The following RPH3A variants were observed in gnomAD, a reference collection of about 807,000 sequenced individuals.
The protein encoded by RPH3A is rabphilin 3A.
Under a neutral mutation model 102.2 loss-of-function variants are expected in RPH3A, and 48 were observed. That is an observed-to-expected ratio of 0.47 (90% confidence interval 0.37 to 0.60). RPH3A has a LOEUF of 0.60. RPH3A is among the 20% of genes least tolerant of loss of function. RPH3A has a pLI of 0.00. For missense variants in RPH3A, 781 were observed against 910.1 expected (o/e 0.86, Z 1.83); for synonymous variants, 310 against 324.3 (o/e 0.96, Z 0.47).
At chr12:112,877,419 TACACACACACACACAC>T (rs3038114) in intron 13 of RPH3A, among the ~76,000 whole-genome samples, 7 of 141,660 alleles carry the variant, frequency 4.9e-5, no homozygotes, top group South Asian at 2.3e-4. Flanking sequence ...CACACACGTA[TACACACACACACACAC>T]ACACACACAC....
intron 1 of RPH3A, among the ~76,000 whole-genome samples, chr12:112,662,789 G>A (rs1285598441): frequency 1.3e-5 from 2 of 151,406 alleles, no homozygotes; most frequent in African/African-American, 4.9e-5. Context: ...ACAGGTAGCA[G>A]GCCAGATTTG....
At chr12:112,709,942 A>G (rs1369393750) in intron 1 of RPH3A, among the ~76,000 whole-genome samples, 1 of 152,028 alleles carries the variant, frequency 6.6e-6, no homozygotes, top group Admixed American at 6.6e-5. Flanking sequence ...CTCCTTTTGT[A>G]GCTTCCCCAG....
At chr12:112,630,150 A>C (rs977095498) in intron 1 of RPH3A, among the ~76,000 whole-genome samples, 1 of 151,654 alleles carries the variant, frequency 6.6e-6, no homozygotes, top group African/African-American at 2.4e-5. Context: ...CCACCCACCC[A>C]CCCATCCATC....
Position 112,793,021 on chromosome 12 carries a change from G to A in RPH3A, c.-19+758G>A, listed in dbSNP as rs369400024. On this transcript the variant is annotated intron_variant, in intron 2 of 21. Transcript: ENST00000389385. ...TCTATCCTTGAGTTCATCTCAGAAG[G>A]AAGGAGGGGAACAAAGCTTGTTCAA... 3.3e-4 allele frequency among the ~76,000 whole-genome samples: 51 copies of A among 152,324 alleles called. No individual in the cohort carries two copies. In the East Asian group the frequency reaches 4.1e-3, roughly 12 times the overall value.
At chr12:112,696,016 A>G (rs1342242320) in intron 1 of RPH3A, among the ~76,000 whole-genome samples, 1 of 152,098 alleles carries the variant, frequency 6.6e-6, no homozygotes, top group Non-Finnish European at 1.5e-5. Flanking sequence ...TGAGTCCCCA[A>G]AATTCATGAT....
At chr12:112,801,567 G>A (rs114581568) in intron 2 of RPH3A, among the ~76,000 whole-genome samples, 1,691 of 152,278 alleles carry the variant, frequency 0.011, 24 homozygotes, top group African/African-American at 0.039. Context: ...TTGGTGACCC[G>A]GAGGGGGACT....
chr12:112,580,458 C>T (rs1312718700), intron 1 of RPH3A, among the ~76,000 whole-genome samples: 1 of 132,896 alleles, frequency 7.5e-6, no homozygotes, highest in Non-Finnish European at 1.5e-5. Flanking sequence ...GGCTGGAGTG[C>T]AGTGGCGCGA....
chr12:112,687,459 T>C (rs2040273845), intron 1 of RPH3A, among the ~76,000 whole-genome samples: 1 of 152,182 alleles, frequency 6.6e-6, no homozygotes, highest in African/African-American at 2.4e-5. Context: ...ATTGGCCAGA[T>C]CTGAATCACA....
intron 1 of RPH3A, among the ~76,000 whole-genome samples, chr12:112,687,111 C>G (rs534164211): frequency 3.3e-5 from 5 of 152,170 alleles, no homozygotes; most frequent in Admixed American, 3.3e-4. Context: ...GAGTGAGACC[C>G]CATTTTTTTT....
chr12:112,870,648 A>G (rs563987066), intron 10 of RPH3A, among the ~76,000 whole-genome samples: 3 of 152,282 alleles, frequency 2.0e-5, no homozygotes, highest in Non-Finnish European at 4.4e-5. Flanking sequence ...TTTCTTTTGC[A>G]GGAAGGGGCT....
intron 1 of RPH3A, among the ~76,000 whole-genome samples, chr12:112,639,783 T>C (rs529721483): frequency 6.6e-6 from 1 of 152,190 alleles, no homozygotes; most frequent in South Asian, 2.1e-4. Flanking sequence ...ACTGACACCT[T>C]TATCACAGGG....
intron 1 of RPH3A, among the ~76,000 whole-genome samples, chr12:112,739,408 C>T (rs1203725716): frequency 2.0e-5 from 3 of 152,134 alleles, no homozygotes; most frequent in African/African-American, 7.2e-5. Context: ...TAAAATCACA[C>T]GAGGAGCCGT....
At chr12:112,884,309 T>C (rs1257769772) in intron 16 of RPH3A, among the ~76,000 whole-genome samples, 1 of 152,216 alleles carries the variant, frequency 6.6e-6, no homozygotes, top group African/African-American at 2.4e-5. Context: ...CCGATGCAAG[T>C]TGAAGCTCCT....
At chr12:112,814,036 GGTGT>G (rs149412754) in intron 2 of RPH3A, among the ~76,000 whole-genome samples, 6 of 149,488 alleles carry the variant, frequency 4.0e-5, no homozygotes, top group Non-Finnish European at 6.0e-5. Flanking sequence ...GTGGGAGTGG[GGTGT>G]GTGTGTGTGT....
intron 1 of RPH3A, among the ~76,000 whole-genome samples, chr12:112,705,575 T>G (rs983618278): frequency 3.3e-5 from 5 of 152,192 alleles, no homozygotes; most frequent in Admixed American, 6.5e-5. Context: ...TGGAAAATTG[T>G]GTGGAAAAAA....
Position 112,896,915 on chromosome 12 carries a change from C to G in RPH3A, c.*135C>G, listed in dbSNP as rs1009226315. The G allele has an allele frequency of 2.9e-5, 27 of 940,556 alleles. No individual in the cohort carries two copies. Among genetic ancestry groups the G allele is most frequent in the Non-Finnish European group, 4.3e-5 (27 of 635,282 alleles). The allele number at this position is 940,556 out of a possible 1,614,324, so 58.3% of individuals were successfully genotyped here. A position where few individuals can be genotyped will look rare whatever the true frequency, so the allele number is the denominator to read the frequency against. On this transcript the variant is annotated 3_prime_UTR_variant, in exon 22 of 22. Transcript: ENST00000389385. ...TGATCTCCCTGAGCCTGCCTTTGAG[C>G]CCCCGTCACGTTGGGCACTGCTGCC...
At chr12:112,652,074 C>T (rs571197512) in intron 1 of RPH3A, among the ~76,000 whole-genome samples, 1 of 152,240 alleles carries the variant, frequency 6.6e-6, no homozygotes, top group African/African-American at 2.4e-5. Context: ...GTACAAATGT[C>T]CATTTGAGTC....
At chr12:112,613,494 C>T (rs1414499010) in intron 1 of RPH3A, among the ~76,000 whole-genome samples, 1 of 152,134 alleles carries the variant, frequency 6.6e-6, no homozygotes, top group Non-Finnish European at 1.5e-5. Flanking sequence ...TGTTACCTTC[C>T]AGCAAAAGGG....
chr12:112,710,991 G>C (rs968747891), intron 1 of RPH3A, among the ~76,000 whole-genome samples: 14 of 152,098 alleles, frequency 9.2e-5, no homozygotes, highest in Admixed American at 1.3e-4. Flanking sequence ...AATTAGCTTA[G>C]AATGTTATCT....
Sources: allele counts gnomAD v4.1 joint callset (sites outside exome capture counted in the v4.1 genomes callset), GRCh38; gene constraint gnomAD v4.1.1; transcripts MANE v1.5; gene names NCBI Gene and HGNC (gene_info 2026-07-23, HGNC 2026-07-21).